The following RNFT2 variants were observed in gnomAD, a reference collection of about 807,000 sequenced individuals.
RNFT2 encodes E3 ubiquitin-protein ligase RNFT2.
RNFT2 carries 36 observed loss-of-function variants against 53.0 expected under a neutral mutation model. That is an observed-to-expected ratio of 0.68 (90% CI 0.52 to 0.90). The LOEUF is 0.90. RNFT2 is among the 40% of genes least tolerant of loss of function. The pLI, the probability that RNFT2 is intolerant of heterozygous loss-of-function variation, is 0.00. For missense variants in RNFT2, 514 were observed against 585.6 expected, an observed-to-expected ratio of 0.88 and a Z score of 1.26; for synonymous variants, 260 against 253.2, an observed-to-expected ratio of 1.03 and a Z score of -0.26.
In RNFT2 at chr12:116,786,048, A is replaced by C. The variant is rs370168756; in HGVS notation, c.882+6700A>C. 1.8e-3 allele frequency among the ~76,000 whole-genome samples: 278 copies of C among 152,006 alleles called. 2 individuals are homozygous for C. The highest frequency in any genetic ancestry group is 6.1e-3 in the African/African-American group (255 of 41,476). Reference sequence around the variant, plus strand: ...GCCTCGGCAATAGAGCCAGCCTCTCAGTATTCTTCTGACATAGGTGCTGAT... The same window carrying C: ...GCCTCGGCAATAGAGCCAGCCTCTCCGTATTCTTCTGACATAGGTGCTGAT... On this transcript the variant is annotated intron_variant, in intron 7 of 10. Transcript: ENST00000257575.
At chr12:116,748,481 G>A (rs767309607) in intron 3 of RNFT2, among the ~76,000 whole-genome samples, 52 of 152,152 alleles carry the variant, frequency 3.4e-4, no homozygotes, top group African/African-American at 1.2e-3. Flanking sequence ...ATTGCAAAAC[G>A]TATTTTAAAT....
At chr12:116,785,837 T>C (rs907172805) in intron 7 of RNFT2, among the ~76,000 whole-genome samples, 1 of 151,972 alleles carries the variant, frequency 6.6e-6, no homozygotes, top group Admixed American at 6.6e-5. Flanking sequence ...TCGCTCGAGT[T>C]CATGAGTTCG....
chr12:116,797,376 A>G (rs1874551448), intron 7 of RNFT2, among the ~76,000 whole-genome samples: 1 of 152,156 alleles, frequency 6.6e-6, no homozygotes, highest in Admixed American at 6.5e-5. Flanking sequence ...CCTAGCCAAC[A>G]TGGTGAAACC....
At chr12:116,834,010 C>T in intron 8 of RNFT2, 69 bp downstream of exon 8, 4 of 1,405,276 alleles carry the variant, frequency 2.8e-6, no homozygotes, top group South Asian at 1.7e-5. Flanking sequence ...CCTCAGGGGG[C>T]TCCTGGGCAA....
In RNFT2 at chr12:116,849,511, G is replaced by A. The variant is rs939323046; in HGVS notation, c.*63G>A. On this transcript the variant is annotated 3_prime_UTR_variant, in exon 11 of 11. Coordinates refer to ENST00000257575, the MANE Select transcript of RNFT2 (RefSeq NM_001382266.1). The stretch of plus-strand genomic sequence containing the variant: ...TCAGCATGCCCGGACCCAGCCCTGC[G>A]GGGGCTTCCTGAGAAACAGGCCTCA... 5.1e-5 allele frequency: 77 copies of A among 1,504,772 alleles called. No individual in the cohort carries two copies. The highest frequency in any genetic ancestry group is 6.9e-5 in the African/African-American group (5 of 72,716). 93.2% of individuals were successfully genotyped at this position (1,504,772 alleles called of 1,614,324 possible).
At chr12:116,809,254 C>T (rs1458270549) in intron 7 of RNFT2, among the ~76,000 whole-genome samples, 1 of 152,168 alleles carries the variant, frequency 6.6e-6, no homozygotes, top group Non-Finnish European at 1.5e-5. Flanking sequence ...GGCTGCATCC[C>T]AGTCCTCCTC....
At chr12:116,742,668 T>C (rs1871667573) in intron 3 of RNFT2, among the ~76,000 whole-genome samples, 1 of 152,074 alleles carries the variant, frequency 6.6e-6, no homozygotes, top group African/African-American at 2.4e-5. Flanking sequence ...GGAAGGGCCA[T>C]GCAGTGACTC....
At chr12:116,785,249 C>CTGTG (rs56185708) in intron 7 of RNFT2, among the ~76,000 whole-genome samples, 149 of 139,140 alleles carry the variant, frequency 1.1e-3, no homozygotes, top group East Asian at 4.2e-3. Flanking sequence ...TTACCTACTT[C>CTGTG]TGTGTGTGTG....
chr12:116,774,983 C>A (rs1873363791), intron 6 of RNFT2, among the ~76,000 whole-genome samples: 1 of 151,530 alleles, frequency 6.6e-6, no homozygotes, highest in Non-Finnish European at 1.5e-5. Flanking sequence ...AGCAACAGGC[C>A]ATGTGCGGTG....
intron 7 of RNFT2, among the ~76,000 whole-genome samples, chr12:116,823,417 C>T (rs1215421346): frequency 2.0e-5 from 3 of 152,214 alleles, no homozygotes; most frequent in African/African-American, 7.2e-5. Context: ...AGCGTGGTAG[C>T]TCACACCTGT....
intron 6 of RNFT2, among the ~76,000 whole-genome samples, chr12:116,767,765 A>G (rs1872983047): frequency 6.6e-6 from 1 of 151,912 alleles, no homozygotes; most frequent in African/African-American, 2.4e-5. Context: ...TTTTTAGTAG[A>G]GACAGGGTTT....
chr12:116,791,034 A>G (rs1874208310), intron 7 of RNFT2, among the ~76,000 whole-genome samples: 1 of 152,248 alleles, frequency 6.6e-6, no homozygotes, highest in African/African-American at 2.4e-5. Context: ...CGTTTAGTAC[A>G]TTCACAGTGT....
chr12:116,821,422 C>T (rs1018065119), intron 7 of RNFT2, among the ~76,000 whole-genome samples: 8 of 152,344 alleles, frequency 5.3e-5, no homozygotes, highest in East Asian at 1.9e-4. Context: ...GCCTCCAGGT[C>T]GGTGCTGGGT....
chr12:116,739,281 A>G (rs931576227), intron 1 of RNFT2, among the ~76,000 whole-genome samples: 2 of 152,230 alleles, frequency 1.3e-5, no homozygotes, highest in African/African-American at 2.4e-5. Flanking sequence ...AAGGTGGGAC[A>G]GGGAGCAAGG....
intron 10 of RNFT2, among the ~76,000 whole-genome samples, chr12:116,839,237 C>T (rs1037936029): frequency 1.3e-5 from 2 of 152,092 alleles, no homozygotes; most frequent in African/African-American, 4.8e-5. Flanking sequence ...AACATGAGAG[C>T]AGATACCATG....
At chr12:116,780,509 GCGACC>G (rs1873646582) in intron 7 of RNFT2, among the ~76,000 whole-genome samples, 1 of 152,040 alleles carries the variant, frequency 6.6e-6, no homozygotes, top group South Asian at 2.1e-4. Flanking sequence ...CTCCTGCTGT[GCGACC>G]TGGTTCCTAA....
At chr12:116,815,977 C>T in intron 7 of RNFT2, among the ~76,000 whole-genome samples, 1 of 152,174 alleles carries the variant, frequency 6.6e-6, no homozygotes, top group East Asian at 1.9e-4. Flanking sequence ...CCTTCCCTTG[C>T]ACCTCTCCCT....
At chr12:116,814,882 G>A (rs1281483564) in intron 7 of RNFT2, among the ~76,000 whole-genome samples, 5 of 152,002 alleles carry the variant, frequency 3.3e-5, no homozygotes, top group African/African-American at 1.2e-4. Flanking sequence ...TTTCACCTGC[G>A]TGCAAGCATG....
At chr12:116,767,865 A>G (rs983347292) in intron 6 of RNFT2, among the ~76,000 whole-genome samples, 1 of 152,204 alleles carries the variant, frequency 6.6e-6, no homozygotes, top group African/African-American at 2.4e-5. Flanking sequence ...GGCGTGAGCC[A>G]CTGCCCCTGG....
Sources: gnomAD v4.1 joint callset for allele counts (sites outside exome capture counted in the v4.1 genomes callset) on GRCh38, gnomAD v4.1.1 for gene constraint, MANE v1.5 for transcripts, NCBI Gene and HGNC (gene_info 2026-07-23, HGNC 2026-07-21) for gene names.